Variants in MAGI2 observed in about 807,000 individuals in gnomAD.
MAGI2 encodes membrane associated guanylate kinase, WW and PDZ domain containing 2.
A neutral mutation model predicts 133.3 loss-of-function variants in MAGI2; 35 were observed. The ratio of observed to expected loss-of-function variants is 0.26; its 90% confidence interval spans 0.20 to 0.35. MAGI2 has a LOEUF of 0.35. Among genes scored for constraint, MAGI2 ranks in the 10% least tolerant of loss-of-function variants. The pLI is 1.00. For missense variants in MAGI2, 1,636 were observed against 1,863.4 expected (o/e 0.88, Z 2.25); for synonymous variants, 729 against 710.6 (o/e 1.03, Z -0.41).
chr7:78,419,954 C>T (rs1264252193), intron 6 of MAGI2, among the ~76,000 whole-genome samples: 1 of 152,094 alleles, frequency 6.6e-6, no homozygotes, highest in Non-Finnish European at 1.5e-5. Flanking sequence ...TGTAAGCAGG[C>T]ATTAAAGTGA....
In MAGI2 at chr7:78,750,225, G is replaced by A. The variant is rs576063088; in HGVS notation, c.419-122986C>T. ...AAGATATGAACTCACCCTTTTTTAC[G>A]GCTGGATAGTATTCCATGGTGTATA... is the stretch of plus-strand genomic sequence containing the variant. On this transcript the variant is annotated intron_variant, in intron 2 of 21. Transcript: ENST00000354212. Among the ~76,000 whole-genome samples the A allele has an allele frequency of 6.6e-5, 10 of 152,152 alleles. No homozygotes were observed. The South Asian group carries it at 1.9e-3, about 28-fold the overall frequency.
At chr7:78,780,655 C>G (rs1273718460) in intron 2 of MAGI2, among the ~76,000 whole-genome samples, 11 of 152,176 alleles carry the variant, frequency 7.2e-5, no homozygotes. Context: ...TGAATGAATA[C>G]TTTTCAAGAT....
At chr7:78,949,212 T>G (rs531360212) in intron 2 of MAGI2, among the ~76,000 whole-genome samples, 4 of 152,324 alleles carry the variant, frequency 2.6e-5, no homozygotes, top group African/African-American at 9.6e-5. Flanking sequence ...AACAATTTGC[T>G]TTACAATTAT....
At chr7:79,393,558 C>A (rs1424022179) in intron 1 of MAGI2, among the ~76,000 whole-genome samples, 1 of 151,998 alleles carries the variant, frequency 6.6e-6, no homozygotes, top group Non-Finnish European at 1.5e-5. Context: ...AAAAGTAATT[C>A]TCATTCTCAG....
chr7:79,094,200 C>T (rs374295615), intron 1 of MAGI2, among the ~76,000 whole-genome samples: 8 of 152,168 alleles, frequency 5.3e-5, no homozygotes, highest in African/African-American at 1.9e-4. Flanking sequence ...AAATCCTTTG[C>T]TGTCATTTCA....
intron 1 of MAGI2, chr7:79,354,394 G>A (rs1031523944): frequency 6.6e-6 from 1 of 152,374 alleles, no homozygotes; most frequent in African/African-American, 2.4e-5. Flanking sequence ...ACACCCTCTA[G>A]TTCTATGCAG....
At chr7:78,424,217 C>T (rs1453116709) in intron 6 of MAGI2, among the ~76,000 whole-genome samples, 1 of 152,160 alleles carries the variant, frequency 6.6e-6, no homozygotes, top group Non-Finnish European at 1.5e-5. Context: ...AAGGGGCCAA[C>T]GTACAGCTCA....
At chr7:79,318,084 G>C (rs551037386) in intron 1 of MAGI2, among the ~76,000 whole-genome samples, 13 of 152,048 alleles carry the variant, frequency 8.5e-5, no homozygotes, top group Non-Finnish European at 1.6e-4. Context: ...GTAGCCCACA[G>C]CCACCTTCTT....
At chr7:79,226,793 C>T (rs919593298) in intron 1 of MAGI2, among the ~76,000 whole-genome samples, 3 of 152,100 alleles carry the variant, frequency 2.0e-5, no homozygotes, top group Non-Finnish European at 2.9e-5. Context: ...GATATAGTAG[C>T]ACCTATCTTT....
chr7:78,304,733 T>G, intron 9 of MAGI2, among the ~76,000 whole-genome samples: 1 of 152,168 alleles, frequency 6.6e-6, no homozygotes, highest in East Asian at 1.9e-4. Flanking sequence ...GGAAGGGGGA[T>G]AAGACGTATT....
Position 78,377,520 on chromosome 7 carries a change from G to C in MAGI2, c.1046-8307C>G, listed in dbSNP as rs568194286. Among the ~76,000 whole-genome samples the C allele has an allele frequency of 9.3e-4, 141 of 151,868 alleles. 1 individual carries two copies. Among genetic ancestry groups the C allele is most frequent in the South Asian group, 9.0e-3 (43 of 4,804 alleles). On this transcript the variant is annotated intron_variant, in intron 6 of 21. Coordinates refer to ENST00000354212, the MANE Select transcript of MAGI2 (RefSeq NM_012301.4). ...GAAGGCCCAGCTTCTGAAGAAGAGG[G>C]GGATGATGTTAGTGGGAGAGGGGGC...
chr7:78,768,609 CACTT>C (rs1417716532), intron 2 of MAGI2, among the ~76,000 whole-genome samples: 1 of 152,202 alleles, frequency 6.6e-6, no homozygotes, highest in Admixed American at 6.5e-5. Context: ...ACACTTAAAA[CACTT>C]ACGAAACTGT....
At chr7:78,601,184 C>T (rs1028244242) in intron 3 of MAGI2, among the ~76,000 whole-genome samples, 27 of 151,956 alleles carry the variant, frequency 1.8e-4, no homozygotes, top group African/African-American at 6.5e-4. Flanking sequence ...TATTGGGTAC[C>T]TTCTATGTGC....
At chr7:79,287,330 T>C (rs1391313126) in intron 1 of MAGI2, among the ~76,000 whole-genome samples, 2 of 152,098 alleles carry the variant, frequency 1.3e-5, no homozygotes, top group Non-Finnish European at 2.9e-5. Flanking sequence ...CCTATATTAA[T>C]ATTATTATAT....
chr7:79,356,658 G>T (rs979735932), intron 1 of MAGI2, among the ~76,000 whole-genome samples: 3 of 152,134 alleles, frequency 2.0e-5, no homozygotes, highest in Non-Finnish European at 2.9e-5. Context: ...TCTGATGAAA[G>T]AAACTGACTA....
At chr7:78,730,091 A>T (rs1324797346) in intron 2 of MAGI2, among the ~76,000 whole-genome samples, 2 of 152,198 alleles carry the variant, frequency 1.3e-5, no homozygotes, top group African/African-American at 4.8e-5. Context: ...ATTACAAGAT[A>T]AGCATAGAAG....
chr7:78,293,733 C>T (rs1391534842), intron 9 of MAGI2, among the ~76,000 whole-genome samples: 1 of 152,146 alleles, frequency 6.6e-6, no homozygotes, highest in Non-Finnish European at 1.5e-5. Flanking sequence ...GGCACATATA[C>T]ACCATGGAAT....
chr7:79,069,374 A>G (rs1245493827), intron 1 of MAGI2, among the ~76,000 whole-genome samples: 2 of 151,902 alleles, frequency 1.3e-5, no homozygotes, highest in Admixed American at 6.6e-5. Flanking sequence ...TGTCTCTTGG[A>G]TCTTTGTTGG....
intron 1 of MAGI2, among the ~76,000 whole-genome samples, chr7:79,228,981 A>G (rs1420014776): frequency 1.3e-5 from 2 of 152,200 alleles, no homozygotes; most frequent in African/African-American, 2.4e-5. Flanking sequence ...TGCGAATTTT[A>G]TTAGCCCATG....
Sources: allele counts gnomAD v4.1 joint callset (sites outside exome capture counted in the v4.1 genomes callset), GRCh38; gene constraint gnomAD v4.1.1; transcripts MANE v1.5; gene names NCBI Gene and HGNC (gene_info 2026-07-23, HGNC 2026-07-21).